Variants in CNTN5 observed in about 807,000 individuals in gnomAD.
CNTN5 encodes the protein contactin-5.
A neutral mutation model predicts 129.1 loss-of-function variants in CNTN5; 77 were observed. The observed-to-expected ratio is 0.60, with a 90% CI of 0.50 to 0.72. The LOEUF (loss-of-function observed/expected upper bound fraction) is 0.72, where lower values mean the gene tolerates loss of function less well. CNTN5 is among the 30% of genes least tolerant of loss of function. CNTN5 has a pLI of 0.00. For synonymous variants in CNTN5, 509 were observed against 465.6 expected (o/e 1.09, Z -1.20); for missense variants, 1,478 against 1,328.8 (o/e 1.11, Z -1.75).
chr11:99,219,434 C>T (rs927698163), intron 1 of CNTN5, among the ~76,000 whole-genome samples: 2 of 151,630 alleles, frequency 1.3e-5, no homozygotes, highest in Admixed American at 1.3e-4. Flanking sequence ...AGTAATTTTG[C>T]CTATGAATCT....
chr11:99,888,627 A>G (rs1185372543), intron 6 of CNTN5, among the ~76,000 whole-genome samples: 2 of 152,188 alleles, frequency 1.3e-5, no homozygotes, highest in African/African-American at 4.8e-5. Flanking sequence ...GCTGAATCAC[A>G]TTTGTTAGGC....
intron 7 of CNTN5, among the ~76,000 whole-genome samples, chr11:99,941,165 C>G (rs1429371133): frequency 1.3e-5 from 2 of 151,898 alleles, no homozygotes; most frequent in African/African-American, 4.8e-5. Flanking sequence ...TCTAACGGGA[C>G]CTATACAATT....
chr11:99,965,646 G>A (rs1003651511), intron 8 of CNTN5, among the ~76,000 whole-genome samples: 1 of 152,116 alleles, frequency 6.6e-6, no homozygotes, highest in African/African-American at 2.4e-5. Flanking sequence ...GTTGATTTGG[G>A]GTGGAGAGTT....
chr11:99,414,303 G>A (rs1261315885), intron 2 of CNTN5, among the ~76,000 whole-genome samples: 2 of 152,128 alleles, frequency 1.3e-5, no homozygotes, highest in African/African-American at 4.8e-5. Flanking sequence ...TGAGCTGGGT[G>A]TGTTGGTGAT....
chr11:99,179,110 A>G (rs1325057360), intron 1 of CNTN5, among the ~76,000 whole-genome samples: 3 of 152,184 alleles, frequency 2.0e-5, no homozygotes, highest in Non-Finnish European at 4.4e-5. Context: ...AATTGTATTC[A>G]TTACACTTAC....
intron 2 of CNTN5, among the ~76,000 whole-genome samples, chr11:99,328,954 A>G (rs927724897): frequency 6.6e-6 from 1 of 151,996 alleles, no homozygotes; most frequent in Non-Finnish European, 1.5e-5. Context: ...GCTTAAGTAA[A>G]TACATGTATA....
intron 3 of CNTN5, among the ~76,000 whole-genome samples, chr11:99,631,747 A>G (rs886294118): frequency 1.1e-4 from 17 of 152,084 alleles, no homozygotes; most frequent in Admixed American, 1.1e-3. Context: ...GGTTCAGAGA[A>G]GTTAAATGAT....
chr11:100,138,300 T>C (rs1480275215), intron 13 of CNTN5, among the ~76,000 whole-genome samples: 1 of 151,864 alleles, frequency 6.6e-6, no homozygotes, highest in East Asian at 1.9e-4. Flanking sequence ...CATTCACTGA[T>C]TCAATAAATA....
At chr11:99,669,748 G>T (rs1952958447) in intron 3 of CNTN5, among the ~76,000 whole-genome samples, 1 of 152,176 alleles carries the variant, frequency 6.6e-6, no homozygotes, top group South Asian at 2.1e-4. Flanking sequence ...AGAATTCCGT[G>T]ATTCTGATCT....
intron 3 of CNTN5, among the ~76,000 whole-genome samples, chr11:99,668,651 G>C (rs570295775): frequency 6.6e-6 from 1 of 152,192 alleles, no homozygotes; most frequent in East Asian, 1.9e-4. Context: ...TTATCTGTCT[G>C]GGAGCAGTGG....
At chr11:100,287,008 A>T (rs1485958349) in intron 18 of CNTN5, among the ~76,000 whole-genome samples, 1 of 152,024 alleles carries the variant, frequency 6.6e-6, no homozygotes, top group Non-Finnish European at 1.5e-5. Context: ...GGGTATCAGC[A>T]ATGGAAGATG....
chr11:99,037,226 C>T (rs2135120541), intron 1 of CNTN5, among the ~76,000 whole-genome samples: 1 of 152,270 alleles, frequency 6.6e-6, no homozygotes, highest in Admixed American at 6.5e-5. Flanking sequence ...GAATTTTTTT[C>T]ACCAGACTGG....
intron 6 of CNTN5, among the ~76,000 whole-genome samples, chr11:99,873,316 G>T (rs750372042): frequency 9.3e-5 from 14 of 150,370 alleles, no homozygotes; most frequent in South Asian, 4.2e-4. Context: ...ATTTGAAAAT[G>T]ATGCCTCAGG....
chr11:99,954,463 G>T (rs971231051), intron 7 of CNTN5, among the ~76,000 whole-genome samples: 1 of 152,028 alleles, frequency 6.6e-6, no homozygotes, highest in Non-Finnish European at 1.5e-5. Context: ...GAATAAGATC[G>T]GCATGCATTC....
chr11:100,116,179 T>C (rs567202905), intron 13 of CNTN5, among the ~76,000 whole-genome samples: 8 of 152,170 alleles, frequency 5.3e-5, no homozygotes, highest in African/African-American at 1.2e-4. Context: ...GATCCATCAG[T>C]ACCAGCAAGC....
chr11:99,169,620 C>T (rs1414672912), intron 1 of CNTN5, among the ~76,000 whole-genome samples: 1 of 152,132 alleles, frequency 6.6e-6, no homozygotes, highest in African/African-American at 2.4e-5. Context: ...CTGTCTTTTG[C>T]ATCGGCTCCT....
chr11:99,472,462 G>T (rs573636407), intron 2 of CNTN5, among the ~76,000 whole-genome samples: 10 of 152,020 alleles, frequency 6.6e-5, no homozygotes, highest in Non-Finnish European at 1.3e-4. Context: ...ATGTTTCTAT[G>T]ATTATGCCAA....
At chr11:99,944,984 G>A (rs547844513) in intron 7 of CNTN5, among the ~76,000 whole-genome samples, 4 of 152,164 alleles carry the variant, frequency 2.6e-5, no homozygotes, top group Admixed American at 2.6e-4. Flanking sequence ...CTAGTCTAGG[G>A]AAATAACATG....
chr11:99,302,966 C>T (rs921919059), intron 1 of CNTN5, among the ~76,000 whole-genome samples: 4 of 151,336 alleles, frequency 2.6e-5, no homozygotes, highest in African/African-American at 4.8e-5. Context: ...CTTGAAGAAA[C>T]AGGTATACAA....
Sources: allele counts gnomAD v4.1 joint callset (sites outside exome capture counted in the v4.1 genomes callset), GRCh38; gene constraint gnomAD v4.1.1; transcripts MANE v1.5; gene names NCBI Gene and HGNC (gene_info 2026-07-23, HGNC 2026-07-21).